NDP: variants seen among roughly 807,000 people sequenced by gnomAD.
NDP encodes the protein norrin cystine knot growth factor NDP.
NDP carries 2 observed loss-of-function variants against 8.4 expected under a neutral mutation model. The ratio of observed to expected loss-of-function variants is 0.24; its 90% CI spans 0.10 to 0.75. NDP has a LOEUF of 0.75. NDP is among the 30% of genes least tolerant of loss of function. The pLI, the probability that NDP is intolerant of heterozygous loss-of-function variation, is 0.73. For synonymous variants in NDP, 55 were observed against 45.6 expected (o/e 1.21, Z -0.83); for missense variants, 81 against 110.1 (o/e 0.74, Z 1.18).
At chrX:43,953,297 C>G (rs748727459) in intron 2 of NDP, 1 of 112,569 alleles carries the variant, frequency 8.9e-6, no homozygotes, top group Non-Finnish European at 1.9e-5. Flanking sequence ...TTAGCTTCTG[C>G]CATGCCTTAC....
chrX:43,973,028 T>G (rs1282175627), intron 1 of NDP, among the ~76,000 whole-genome samples: 1 of 112,616 alleles, frequency 8.9e-6, no homozygotes, highest in Admixed American at 9.4e-5. Flanking sequence ...AAGTTACATC[T>G]AACTACGCAG....
intron 1 of NDP, among the ~76,000 whole-genome samples, chrX:43,963,284 C>G (rs184075655): frequency 8.9e-6 from 1 of 111,797 alleles, no homozygotes. Context: ...TTCCTATCCT[C>G]GATCCCTCTT....
In NDP at chrX:43,948,967, T is replaced by C. The variant is rs2147204238; in HGVS notation, c.*832A>G. The C allele has an allele frequency of 9.0e-6, 1 of 111,638 alleles. No homozygotes were observed. The highest frequency in any genetic ancestry group is 2.8e-4 in the East Asian group (1 of 3,529). 9.2% of individuals were successfully genotyped at this position (111,638 alleles called of 1,213,427 possible). On this transcript the variant is annotated 3_prime_UTR_variant, in exon 3 of 3. Coordinates refer to ENST00000642620, the MANE Select transcript of NDP (RefSeq NM_000266.4). Reference sequence around the variant, plus strand: ...GCTAAAGCTATAGCACACCCACAAATAGATTCATACTTGGTTGTCTAATTT... The same window carrying C: ...GCTAAAGCTATAGCACACCCACAAACAGATTCATACTTGGTTGTCTAATTT...
chrX:43,958,869 A>T lies in NDP; in HGVS notation c.-207-17T>A, dbSNP rs1160103618. Reference sequence around the variant, plus strand: ...GCTGCACAGCTGGAATGAAAACAGAAATTACTTTCCCCAGAATTATTTACC... The same window carrying T: ...GCTGCACAGCTGGAATGAAAACAGATATTACTTTCCCCAGAATTATTTACC... On this transcript the variant is annotated splice_polypyrimidine_tract_variant and intron_variant, in intron 1 of 2. Coordinates refer to ENST00000642620, the MANE Select transcript of NDP (RefSeq NM_000266.4). The T allele has an allele frequency of 4.4e-5, 18 of 411,071 alleles. No homozygotes were observed. The highest frequency in any genetic ancestry group is 7.3e-5 in the Non-Finnish European group (17 of 234,053). The allele number at this position is 411,071 out of a possible 1,213,427, so 33.9% of individuals were successfully genotyped here. A position where few individuals can be genotyped will look rare whatever the true frequency, so the allele number is the denominator to read the frequency against.
chrX:43,951,030 G>A (rs1437548231), intron 2 of NDP, among the ~76,000 whole-genome samples: 1 of 110,896 alleles, frequency 9.0e-6, no homozygotes, highest in Admixed American at 9.7e-5. Flanking sequence ...TAATATCAAG[G>A]TGGGGAGGGG....
At chrX:43,962,269 ATTTT>A (rs776438846) in intron 1 of NDP, among the ~76,000 whole-genome samples, 1 of 95,663 alleles carries the variant, frequency 1.0e-5, no homozygotes. Flanking sequence ...ATAACCTGGG[ATTTT>A]TTTTTTTTTT....
At chrX:43,963,196 A>G (rs927652556) in intron 1 of NDP, among the ~76,000 whole-genome samples, 4 of 112,123 alleles carry the variant, frequency 3.6e-5, no homozygotes, top group Non-Finnish European at 7.5e-5. Flanking sequence ...ATATTTTTTA[A>G]CATGTATTTA....
At chrX:43,965,540 A>T (rs1174703810) in intron 1 of NDP, among the ~76,000 whole-genome samples, 1 of 112,068 alleles carries the variant, frequency 8.9e-6, no homozygotes. Flanking sequence ...TCTGTCCAGT[A>T]CCCACCAAAG....
chrX:43,969,241 C>T (rs2035876188), intron 1 of NDP, among the ~76,000 whole-genome samples: 1 of 112,178 alleles, frequency 8.9e-6, no homozygotes, highest in Non-Finnish European at 1.9e-5. Context: ...TATATTTCTC[C>T]CCTCTTTCTT....
chrX:43,967,504 T>C (rs936103930), intron 1 of NDP, among the ~76,000 whole-genome samples: 1 of 111,546 alleles, frequency 9.0e-6, no homozygotes, highest in Non-Finnish European at 1.9e-5. Flanking sequence ...TTGACCTCCT[T>C]TTCAGGTAAA....
chrX:43,958,688 C>T lies in NDP; in HGVS notation c.-43G>A. On this transcript the variant is annotated 5_prime_UTR_variant, in exon 2 of 3. Transcript: ENST00000642620. The stretch of plus-strand genomic sequence containing the variant: ...TCTCTAGAAGAACAGCAGAGGGAGG[C>T]AGAGGACAAAAAATTGGAAATGGCT... 5.2e-6 allele frequency: 6 copies of T among 1,150,874 alleles called. No homozygotes were observed. The highest frequency in any genetic ancestry group is 7.1e-6 in the Non-Finnish European group (6 of 842,030). The allele number at this position is 1,150,874 out of a possible 1,213,427, so 94.8% of individuals were successfully genotyped here.
At chrX:43,953,827 C>G (rs1245682590) in intron 2 of NDP, among the ~76,000 whole-genome samples, 2 of 112,896 alleles carry the variant, frequency 1.8e-5, no homozygotes, top group African/African-American at 6.4e-5. Flanking sequence ...ATGTTTTCCT[C>G]AAGCATATGC....
At chrX:43,963,467 A>T (rs988070836) in intron 1 of NDP, among the ~76,000 whole-genome samples, 2 of 112,377 alleles carry the variant, frequency 1.8e-5, no homozygotes, top group East Asian at 2.8e-4. Flanking sequence ...GAGTCAGTAT[A>T]TCAGCCAGAA....
intron 2 of NDP, among the ~76,000 whole-genome samples, chrX:43,955,294 T>A (rs992971322): frequency 8.9e-6 from 1 of 112,440 alleles, no homozygotes; most frequent in African/African-American, 3.2e-5. Flanking sequence ...TTCTATTAAA[T>A]GGCTATTATG....
Position 43,965,374 on chromosome X carries a change from G to A in NDP, c.-207-6522C>T, listed in dbSNP as rs774975952. 8.1e-5 allele frequency among the ~76,000 whole-genome samples: 9 copies of A among 111,053 alleles called. No individual in the cohort carries two copies. In the South Asian group the frequency reaches 2.0e-3, roughly 24 times the overall value. On this transcript the variant is annotated intron_variant, in intron 1 of 2. Transcript: ENST00000642620. Reference sequence around the variant, plus strand: ...GTTGAGCCTACAGTGGGCTGTGATCGCATCACTGCACTCCAGCCTGGGCAT... The same window carrying A: ...GTTGAGCCTACAGTGGGCTGTGATCACATCACTGCACTCCAGCCTGGGCAT...
chrX:43,970,726 G>A (rs1379563585), intron 1 of NDP, among the ~76,000 whole-genome samples: 1 of 111,258 alleles, frequency 9.0e-6, no homozygotes, highest in Non-Finnish European at 1.9e-5. Context: ...GATAGTGACT[G>A]CATCTTCCTC....
Position 43,950,225 on chromosome X carries a change from GAC to G in NDP, c.175-201_175-200del. The G allele has an allele frequency of 6.7e-6, 3 of 447,868 alleles. No individual in the cohort carries two copies. In the South Asian group the frequency reaches 9.9e-5, roughly 15 times the overall value. The allele number at this position is 447,868 out of a possible 1,213,427, so 36.9% of individuals were successfully genotyped here. A position where few individuals can be genotyped will look rare whatever the true frequency, so the allele number is the denominator to read the frequency against. On this transcript the variant is annotated intron_variant, in intron 2 of 2. Transcript: ENST00000642620. ...TTGAATTAAAATCCTTGGAGATAGG[GAC>G]CAGGCTTTCATGGTTTTCAAAGCTT...
chrX:43,971,815 G>A (rs1169586527), intron 1 of NDP, among the ~76,000 whole-genome samples: 1 of 111,798 alleles, frequency 8.9e-6, no homozygotes, highest in Non-Finnish European at 1.9e-5. Context: ...TTCATTCAGC[G>A]ATGCTTATTG....
At chrX:43,953,950 A>G (rs1427951631) in intron 2 of NDP, among the ~76,000 whole-genome samples, 1 of 112,560 alleles carries the variant, frequency 8.9e-6, no homozygotes, top group Non-Finnish European at 1.9e-5. Flanking sequence ...TAGCTTCACC[A>G]TCCCCAAGCT....
Sources: allele counts gnomAD v4.1 joint callset (sites outside exome capture counted in the v4.1 genomes callset), GRCh38; gene constraint gnomAD v4.1.1; transcripts MANE v1.5; gene names NCBI Gene and HGNC (gene_info 2026-07-23, HGNC 2026-07-21).